PLCB1: variants seen among roughly 807,000 people sequenced by gnomAD.
The protein encoded by PLCB1 is phospholipase C beta 1.
A neutral mutation model predicts 161.8 loss-of-function variants in PLCB1; 46 were observed. The observed-to-expected ratio is 0.28, with a 90% CI of 0.22 to 0.36. PLCB1 has a LOEUF of 0.36. Among genes scored for constraint, PLCB1 ranks in the 10% least tolerant of loss-of-function variants. The pLI is 1.00. For missense variants in PLCB1, 1,016 were observed against 1,472.5 expected (o/e 0.69, Z 5.07); for synonymous variants, 517 against 503.7 (o/e 1.03, Z -0.35).
intron 3 of PLCB1, among the ~76,000 whole-genome samples, chr20:8,627,893 G>A (rs765906096): frequency 2.6e-5 from 4 of 152,174 alleles, no homozygotes; most frequent in Non-Finnish European, 5.9e-5. Flanking sequence ...TCCTACGTAG[G>A]CATTGTCATA....
chr20:8,314,597 T>C (rs757440242), intron 2 of PLCB1, among the ~76,000 whole-genome samples: 1 of 152,222 alleles, frequency 6.6e-6, no homozygotes, highest in Non-Finnish European at 1.5e-5. Flanking sequence ...CAAATGAGGG[T>C]TGTTTTGAGG....
At chr20:8,820,225 A>G (rs1985274926) in intron 31 of PLCB1, among the ~76,000 whole-genome samples, 1 of 148,160 alleles carries the variant, frequency 6.7e-6, no homozygotes, top group African/African-American at 2.5e-5. Context: ...TATTATATAT[A>G]CTCTATATTA....
In PLCB1 at chr20:8,566,338, A is replaced by G. The variant is rs1049003903; in HGVS notation, c.247-61956A>G. Among the ~76,000 whole-genome samples the G allele has an allele frequency of 9.2e-5, 14 of 152,288 alleles. No homozygotes were observed. In the Middle Eastern group the frequency reaches 0.01, roughly 111 times the overall value. ...GTTTCTATCGGGTTTTCAGCATGTG[A>G]ACCTAGTGTTTACCTTGTCAAAAAG... is the stretch of plus-strand genomic sequence containing the variant. On this transcript the variant is annotated intron_variant, in intron 3 of 31. Transcript: ENST00000338037.
At chr20:8,657,125 A>T in intron 7 of PLCB1, 59 bp from the exon 8 acceptor site, 1 of 900,558 alleles carries the variant, frequency 1.1e-6, no homozygotes, top group African/African-American at 1.6e-5. Flanking sequence ...AAAAACAGGG[A>T]GGGAGGAAGC....
At chr20:8,867,749 T>TA (rs1198696500) in intron 31 of PLCB1, among the ~76,000 whole-genome samples, 1 of 152,218 alleles carries the variant, frequency 6.6e-6, no homozygotes, top group Non-Finnish European at 1.5e-5. Context: ...TTGAGTGTTT[T>TA]ACACAAGAAA....
In PLCB1 at chr20:8,697,689, G is replaced by A. The variant is rs2123428071; in HGVS notation, c.1073G>A (p.Arg358His). ...CGCCAAGTGCTCCTGTCTGGTTGTCGCTGTGTGGAGCTGGACTGCTGGAAG... is the reference window on the plus strand; with the variant it reads ...CGCCAAGTGCTCCTGTCTGGTTGTCACTGTGTGGAGCTGGACTGCTGGAAG... ...MYRQVLLSGC[R>H]CVELDCWKGR... The change falls in exon 11 of 32, where the codon CGC becomes CAC. Residue 358 changes from arginine to histidine, a missense_variant. This residue lies in a region of PLCB1 where 56 missense variants were observed against 126.3 expected (regional missense o/e 0.44). Coordinates refer to ENST00000338037, the MANE Select transcript of PLCB1 (RefSeq NM_015192.4). 1.9e-6 allele frequency: 3 copies of A among 1,614,158 alleles called. No individual in the cohort carries two copies. Among genetic ancestry groups the A allele is most frequent in the Non-Finnish European group, 1.7e-6 (2 of 1,179,998 alleles).
intron 3 of PLCB1, among the ~76,000 whole-genome samples, chr20:8,555,365 T>C (rs534635857): frequency 6.6e-6 from 1 of 151,974 alleles, no homozygotes; most frequent in South Asian, 2.1e-4. Context: ...AGATACACAC[T>C]CTCCACCTAC....
intron 6 of PLCB1, 145 bp downstream of exon 6, chr20:8,648,098 T>C (rs1989215305): frequency 1.8e-6 from 1 of 544,750 alleles, no homozygotes. Context: ...ACATGTCTCA[T>C]GTCAGTGCAG....
At position 8,662,485 on chromosome 20, in the gene PLCB1, AT is replaced by A. The variant is rs901170467; in HGVS notation, c.862+3787del. On this transcript the variant is annotated intron_variant, in intron 9 of 31. Transcript: ENST00000338037. Reference sequence around the variant, plus strand: ...TATAATTATGTATAATATATATATAATTTTTTATTATATAATTATGTATAAT... The same window carrying A: ...TATAATTATGTATAATATATATATAATTTTTATTATATAATTATGTATAAT... Among the ~76,000 whole-genome samples, 368 of 138,642 alleles carry A rather than the reference AT, an allele frequency of 2.7e-3. 5 individuals are homozygous for A. The highest frequency in any genetic ancestry group is 0.026 in the East Asian group (124 of 4,744). The allele number at this position is 138,642 out of a possible 152,430, so 91.0% of individuals were successfully genotyped here.
intron 3 of PLCB1, among the ~76,000 whole-genome samples, chr20:8,433,383 G>A (rs190568256): frequency 6.6e-6 from 1 of 151,720 alleles, no homozygotes; most frequent in African/African-American, 2.4e-5. Context: ...CTTAAGTTTG[G>A]GGAGAGTGGG....
At chr20:8,135,568 C>T (rs981301021) in intron 1 of PLCB1, among the ~76,000 whole-genome samples, 3 of 152,050 alleles carry the variant, frequency 2.0e-5, no homozygotes, top group Admixed American at 6.5e-5. Context: ...CAGGGCCAGG[C>T]GTTAATATTT....
chr20:8,517,047 T>C (rs887683912), intron 3 of PLCB1, among the ~76,000 whole-genome samples: 1 of 152,028 alleles, frequency 6.6e-6, no homozygotes, highest in African/African-American at 2.4e-5. Context: ...GAGCTGACTC[T>C]TGAAGGATCA....
intron 2 of PLCB1, among the ~76,000 whole-genome samples, chr20:8,158,344 T>A (rs2051584606): frequency 6.6e-6 from 1 of 152,200 alleles, no homozygotes; most frequent in Non-Finnish European, 1.5e-5. Context: ...TTGTTGATGG[T>A]ACTGATGGAG....
At chr20:8,736,214 G>A (rs534837414) in intron 19 of PLCB1, among the ~76,000 whole-genome samples, 5 of 152,220 alleles carry the variant, frequency 3.3e-5, no homozygotes, top group South Asian at 2.1e-4. Flanking sequence ...GTTTGCCTCC[G>A]CTAACCTTTA....
intron 2 of PLCB1, among the ~76,000 whole-genome samples, chr20:8,164,452 T>C (rs984336189): frequency 9.2e-5 from 14 of 152,160 alleles, no homozygotes; most frequent in African/African-American, 3.1e-4. Context: ...TAAAATTAAA[T>C]TAAAAATTCA....
intron 2 of PLCB1, among the ~76,000 whole-genome samples, chr20:8,161,713 G>A (rs900022730): frequency 3.3e-5 from 5 of 152,152 alleles, no homozygotes; most frequent in African/African-American, 9.6e-5. Flanking sequence ...CTCAAAGGAC[G>A]CTGCTGCCTG....
chr20:8,591,295 T>G (rs944900596), intron 3 of PLCB1, among the ~76,000 whole-genome samples: 1 of 152,160 alleles, frequency 6.6e-6, no homozygotes, highest in Non-Finnish European at 1.5e-5. Flanking sequence ...ATAGACAACT[T>G]TGGGGAGCCA....
At chr20:8,490,479 T>C (rs73092095) in intron 3 of PLCB1, among the ~76,000 whole-genome samples, 1,786 of 152,362 alleles carry the variant, frequency 0.012, 15 homozygotes, top group South Asian at 0.028. Context: ...CATTCATGTA[T>C]AGTAAGTCTT....
At chr20:8,386,453 G>A (rs1987429151) in intron 3 of PLCB1, among the ~76,000 whole-genome samples, 1 of 152,122 alleles carries the variant, frequency 6.6e-6, no homozygotes, top group Non-Finnish European at 1.5e-5. Context: ...TCAGCATTAG[G>A]TCTCAACAGT....
Sources: allele counts gnomAD v4.1 joint callset (sites outside exome capture counted in the v4.1 genomes callset), GRCh38; gene constraint gnomAD v4.1.1; regional missense constraint gnomAD v4.1.1; transcripts MANE v1.5; gene names NCBI Gene and HGNC (gene_info 2026-07-23, HGNC 2026-07-21).